SMC6: variants seen among roughly 807,000 people sequenced by gnomAD.
The protein encoded by SMC6 is structural maintenance of chromosomes protein 6.
A neutral mutation model predicts 142.2 loss-of-function variants in SMC6; 79 were observed. The ratio of observed to expected loss-of-function variants is 0.56; its 90% CI spans 0.46 to 0.67. The LOEUF (loss-of-function observed/expected upper bound fraction) is 0.67, where lower values mean the gene tolerates loss of function less well. Among genes scored for constraint, SMC6 ranks in the 30% least tolerant of loss-of-function variants. SMC6 has a pLI of 0.00. For synonymous variants in SMC6, 411 were observed against 412.4 expected, an observed-to-expected ratio of 1.00 and a Z score of 0.04; for missense variants, 1,072 against 1,284.0, an observed-to-expected ratio of 0.83 and a Z score of 2.52.
chr2:17,731,692 G>A (rs1029280206), intron 6 of SMC6, 49 bp downstream of exon 6: 9 of 1,555,326 alleles, frequency 5.8e-6, no homozygotes, highest in Non-Finnish European at 7.9e-6. Context: ...AATTCTTTTT[G>A]AGTATTTCCT....
Position 17,721,038 on chromosome 2 carries a change from C to T in SMC6, c.847G>A (p.Val283Ile), listed in dbSNP as rs1184919402. The T allele has an allele frequency of 1.2e-6, 2 of 1,613,092 alleles. No homozygotes were observed. The highest frequency in any genetic ancestry group is 3.3e-5 in the Admixed American group (2 of 59,968). Residue 283 changes from valine (V) to isoleucine (I), a missense_variant and splice_region_variant, in exon 11 of 28, where the codon GTC becomes ATC. Val to Ile is a conservative substitution (Grantham distance 29). This residue lies in a region of SMC6 where 994 missense variants were observed against 1,153.2 expected (regional missense o/e 0.86). Transcript: ENST00000448223. ...SLKHEMAWAV[V>I]NEIEKQLNAI... ...TTCAATTGTTTTTCAATTTCATTGA[C>T]CTAAGAAAGAAATTATATAGCAAAT... is the stretch of plus-strand genomic sequence containing the variant.
At chr2:17,746,592 T>TAA (rs150404326) in intron 2 of SMC6, among the ~76,000 whole-genome samples, 1 of 150,570 alleles carries the variant, frequency 6.6e-6, no homozygotes, top group African/African-American at 2.4e-5. Flanking sequence ...AACTCTTCCC[T>TAA]AAAAAAAAAG....
At chr2:17,743,884 C>A (rs192360515) in intron 3 of SMC6, among the ~76,000 whole-genome samples, 1 of 152,104 alleles carries the variant, frequency 6.6e-6, no homozygotes, top group African/African-American at 2.4e-5. Flanking sequence ...TAGTAATATA[C>A]GTTTAAGGTT....
chr2:17,742,591 C>A (rs559052937), intron 3 of SMC6, among the ~76,000 whole-genome samples: 2 of 152,136 alleles, frequency 1.3e-5, no homozygotes, highest in South Asian at 4.1e-4. Context: ...TTTTGAAGAC[C>A]ATTTTCAAGT....
At chr2:17,713,527 T>C in intron 16 of SMC6, 1 of 471,158 alleles carries the variant, frequency 2.1e-6, no homozygotes, top group Non-Finnish European at 4.4e-6. Context: ...AGAGTCTTTG[T>C]GTCAGTTCAC....
At chr2:17,671,395 C>T (rs1276104163) in intron 25 of SMC6, among the ~76,000 whole-genome samples, 3 of 150,582 alleles carry the variant, frequency 2.0e-5, no homozygotes, top group East Asian at 3.9e-4. Context: ...CCTAGAAGTT[C>T]GAGACCAGCC....
At chr2:17,708,521 C>T (rs988657614) in intron 17 of SMC6, 118 bp downstream of exon 17, 1 of 429,192 alleles carries the variant, frequency 2.3e-6, no homozygotes, top group Non-Finnish European at 3.9e-6. Context: ...GGTAAAAGTA[C>T]AATAGTGAAA....
intron 23 of SMC6, among the ~76,000 whole-genome samples, chr2:17,685,020 A>C (rs1340783920): frequency 6.6e-6 from 1 of 152,104 alleles, no homozygotes; most frequent in Non-Finnish European, 1.5e-5. Flanking sequence ...TCCTAAAAAG[A>C]ACACACACAG....
At position 17,664,511 on chromosome 2, in the gene SMC6, TTTAGC is replaced by T. The variant is rs1461863106; in HGVS notation, c.*983_*987del. The T allele has an allele frequency of 6.6e-6, 1 of 152,232 alleles. No homozygotes were observed. Among genetic ancestry groups the T allele is most frequent in the Non-Finnish European group, 1.5e-5 (1 of 68,038 alleles). The allele number at this position is 152,232 out of a possible 1,614,324, so 9.4% of individuals were successfully genotyped here. ...TGATATCCAATACATTCTTAAAAAG[TTTAGC>T]ATGAATCCTAGTATCAAACAAATAA... On this transcript the variant is annotated 3_prime_UTR_variant, in exon 28 of 28. Coordinates refer to ENST00000448223, the MANE Select transcript of SMC6 (RefSeq NM_001142286.2).
At chr2:17,737,750 C>CA (rs1670226165) in intron 5 of SMC6, among the ~76,000 whole-genome samples, 2 of 152,180 alleles carry the variant, frequency 1.3e-5, no homozygotes, top group African/African-American at 4.8e-5. Flanking sequence ...GGTATAAAAT[C>CA]AGAGTCAAAA....
intron 2 of SMC6, among the ~76,000 whole-genome samples, chr2:17,748,559 T>C (rs1351555946): frequency 2.0e-5 from 3 of 152,234 alleles, no homozygotes; most frequent in Non-Finnish European, 2.9e-5. Context: ...AAATCAAAAA[T>C]ATTTTTCAAA....
chr2:17,695,101 G>C (rs762610105), intron 23 of SMC6, 51 bp downstream of exon 23: 11 of 1,587,864 alleles, frequency 6.9e-6, no homozygotes, highest in Middle Eastern at 1.7e-4. Flanking sequence ...TTTTTGTCTT[G>C]ATGATATGCA....
Position 17,741,642 on chromosome 2 carries a change from T to C in SMC6, c.208A>G (p.Asn70Asp). 1 of 1,611,508 alleles carries C rather than the reference T, an allele frequency of 6.2e-7. No homozygotes were observed. The highest frequency in any genetic ancestry group is 8.5e-7 in the Non-Finnish European group (1 of 1,179,016). The part of the protein sequence containing the change: ...SMLGPFKFGS[N>D]VNFVVGNNGS... ...TTGTTGCCAACAACAAAGTTGACAT[T>C]AGAACCAAACTTAAAAGGTCCAAGC... The change falls in exon 4 of 28, where the codon AAT becomes GAT. Residue 70 changes from asparagine (N) to aspartate (D), a missense_variant. By Grantham distance (23) the Asn-to-Asp change is conservative. Transcript: ENST00000448223.
chr2:17,722,999 T>TAAA (rs372729861), intron 9 of SMC6, among the ~76,000 whole-genome samples: 1 of 137,882 alleles, frequency 7.3e-6, no homozygotes, highest in South Asian at 2.3e-4. Context: ...TCAGCTTTCT[T>TAAA]AAAAAAAAAA....
intron 16 of SMC6, among the ~76,000 whole-genome samples, chr2:17,708,988 TG>T (rs973751891): frequency 6.6e-6 from 1 of 152,112 alleles, no homozygotes; most frequent in Non-Finnish European, 1.5e-5. Flanking sequence ...GTTATAAGCA[TG>T]TTACAAATAT....
intron 21 of SMC6, among the ~76,000 whole-genome samples, chr2:17,699,831 T>C (rs899756104): frequency 6.6e-6 from 1 of 152,166 alleles, no homozygotes; most frequent in Non-Finnish European, 1.5e-5. Flanking sequence ...TTATTTCAAG[T>C]TGGCTTTTAC....
chr2:17,726,297 T>A, intron 8 of SMC6, 92 bp downstream of exon 8: 1 of 897,028 alleles, frequency 1.1e-6, no homozygotes, highest in Non-Finnish European at 1.6e-6. Context: ...AAAAAAAAAC[T>A]CAGCCTCCAT....
chr2:17,727,935 A>G (rs549109131), intron 7 of SMC6, among the ~76,000 whole-genome samples: 1 of 152,300 alleles, frequency 6.6e-6, no homozygotes, highest in East Asian at 1.9e-4. Context: ...TCCATCTGCC[A>G]TATATTTTTT....
Position 17,673,638 on chromosome 2 carries a change from C to T in SMC6, c.2911-3063G>A, listed in dbSNP as rs147346474. ...AGGCTGGAGTGTAATGGTGTGATCT[C>T]GGTTCGCTGCAACCTCCGCCTCCCG... On this transcript the variant is annotated intron_variant, in intron 25 of 27. Transcript: ENST00000448223. 1.8e-3 allele frequency among the ~76,000 whole-genome samples: 276 copies of T among 150,294 alleles called. 1 individual carries two copies. The East Asian group carries it at 0.026, about 14-fold the overall frequency.
Sources: gnomAD v4.1 joint callset for allele counts (sites outside exome capture counted in the v4.1 genomes callset) on GRCh38, gnomAD v4.1.1 for gene constraint, gnomAD v4.1.1 regional missense constraint, MANE v1.5 for transcripts, NCBI Gene and HGNC (gene_info 2026-07-23, HGNC 2026-07-21) for gene names.